Variants in EMCN observed in about 807,000 individuals in gnomAD.
EMCN encodes the protein MUC-14.
A neutral mutation model predicts 38.4 loss-of-function variants in EMCN; 37 were observed. The ratio of observed to expected loss-of-function variants is 0.96; its 90% CI spans 0.74 to 1.27. The LOEUF (loss-of-function observed/expected upper bound fraction) is 1.27. Among genes scored for constraint, EMCN ranks in the 50% most tolerant of loss-of-function variants. EMCN has a pLI of 0.00. For synonymous variants in EMCN, 95 were observed against 100.8 expected (o/e 0.94, Z 0.35); for missense variants, 318 against 302.8 (o/e 1.05, Z -0.37).
chr4:100,447,171 C>G (rs1501074), intron 5 of EMCN, among the ~76,000 whole-genome samples: 4,718 of 152,168 alleles, frequency 0.031, 257 homozygotes, highest in African/African-American at 0.11. Flanking sequence ...ATACTATGAC[C>G]AGATTTTGTT....
At chr4:100,511,255 A>C (rs1426829134) in intron 1 of EMCN, among the ~76,000 whole-genome samples, 1 of 152,168 alleles carries the variant, frequency 6.6e-6, no homozygotes, top group Non-Finnish European at 1.5e-5. Context: ...TCTGTTTCTT[A>C]ATCAGTAAGA....
intron 10 of EMCN, 64 bp downstream of exon 10, chr4:100,415,834 C>T: frequency 1.8e-6 from 2 of 1,132,184 alleles, no homozygotes; most frequent in Non-Finnish European, 2.5e-6. Flanking sequence ...TGAACAAAAT[C>T]CAAGGTTATA....
intron 1 of EMCN, among the ~76,000 whole-genome samples, chr4:100,513,651 A>G (rs1042648816): frequency 2.6e-5 from 4 of 152,100 alleles, no homozygotes; most frequent in African/African-American, 9.7e-5. Flanking sequence ...TTTCCCTTAT[A>G]TTTGGTGCTC....
rs1336830267 is a variant in EMCN, at chr4:100,470,786, G to T, written c.259+4252C>A. 9.2e-5 allele frequency among the ~76,000 whole-genome samples: 14 copies of T among 152,050 alleles called. No individual in the cohort carries two copies. In the Middle Eastern group the frequency reaches 0.01, roughly 111 times the overall value. ...TCCTTAACAAATTAACACAGGAAAA[G>T]AAAATAAAATATTGCATGTTCTCAC... is the stretch of plus-strand genomic sequence containing the variant. On this transcript the variant is annotated intron_variant, in intron 3 of 11. Transcript: ENST00000296420.
intron 11 of EMCN, among the ~76,000 whole-genome samples, chr4:100,402,719 A>G (rs1215364605): frequency 6.6e-6 from 1 of 152,234 alleles, no homozygotes; most frequent in Non-Finnish European, 1.5e-5. Context: ...TTTAAAGTAC[A>G]GAAATGGAAA....
At chr4:100,488,606 G>A (rs1294062554) in intron 1 of EMCN, among the ~76,000 whole-genome samples, 11 of 152,166 alleles carry the variant, frequency 7.2e-5, no homozygotes, top group Non-Finnish European at 2.9e-5. Flanking sequence ...TATTCAATAC[G>A]TTAGCTAATT....
At chr4:100,470,471 G>A (rs1322969685) in intron 3 of EMCN, among the ~76,000 whole-genome samples, 2 of 151,294 alleles carry the variant, frequency 1.3e-5, no homozygotes, top group African/African-American at 4.8e-5. Flanking sequence ...CATTGTGGAA[G>A]ACAGTATGGC....
At chr4:100,500,293 A>G (rs1247937944) in intron 1 of EMCN, among the ~76,000 whole-genome samples, 1 of 152,140 alleles carries the variant, frequency 6.6e-6, no homozygotes, top group Non-Finnish European at 1.5e-5. Flanking sequence ...CCCTGCTTCA[A>G]TTTAAAATTC....
chr4:100,457,483 T>C (rs1728051743), intron 4 of EMCN, among the ~76,000 whole-genome samples: 1 of 152,174 alleles, frequency 6.6e-6, no homozygotes, highest in Admixed American at 6.5e-5. Context: ...TAAAAATTTA[T>C]AGTTTATTGA....
At chr4:100,398,618 T>C (rs548934525) in intron 11 of EMCN, among the ~76,000 whole-genome samples, 22 of 152,250 alleles carry the variant, frequency 1.4e-4, no homozygotes, top group Non-Finnish European at 2.9e-4. Context: ...CAATCTTTGG[T>C]ATTTCCTCCA....
intron 11 of EMCN, among the ~76,000 whole-genome samples, chr4:100,400,826 A>C (rs1726238788): frequency 6.6e-6 from 1 of 152,188 alleles, no homozygotes; most frequent in Non-Finnish European, 1.5e-5. Flanking sequence ...TCTTTCTCAA[A>C]AAATAAATCT....
chr4:100,446,058 A>G, intron 5 of EMCN: 1 of 984,924 alleles, frequency 1.0e-6, no homozygotes, highest in Non-Finnish European at 1.2e-6. Flanking sequence ...AGGATCCTTC[A>G]GTCCCTCCTT....
chr4:100,399,356 G>C (rs186481274), intron 11 of EMCN, among the ~76,000 whole-genome samples: 81 of 152,212 alleles, frequency 5.3e-4, no homozygotes, highest in African/African-American at 1.9e-3. Flanking sequence ...GTGTGTGGTG[G>C]GGTGTGGGGA....
intron 1 of EMCN, among the ~76,000 whole-genome samples, chr4:100,490,529 T>TCC (rs1729051590): frequency 6.6e-6 from 1 of 152,218 alleles, no homozygotes; most frequent in African/African-American, 2.4e-5. Flanking sequence ...CTATTCATGG[T>TCC]AAGTGCCCTA....
chr4:100,402,050 T>TTAATTAATA (rs1726274101), intron 11 of EMCN, among the ~76,000 whole-genome samples: 1 of 152,188 alleles, frequency 6.6e-6, no homozygotes, highest in African/African-American at 2.4e-5. Flanking sequence ...CATTATATAA[T>TTAATTAATA]GTCACTGTGC....
Position 100,480,001 on chromosome 4 carries a change from T to C in EMCN, c.103A>G (p.Thr35Ala). 1 of 1,598,688 alleles carries C rather than the reference T, an allele frequency of 6.3e-7. No homozygotes were observed. Among genetic ancestry groups the C allele is most frequent in the Middle Eastern group, 1.7e-4 (1 of 6,034 alleles). Residue 35 changes from threonine to alanine, a missense_variant, in exon 2 of 12, where the codon ACA becomes GCA. Physicochemically the swap from Thr to Ala is moderately conservative, Grantham distance 58. Transcript: ENST00000296420. ...GGTGTTGTTATAGATGGTTTTGTTG[T>C]AGTAACAACAAGTGAATTATTAGCT... ...EAANNSLVVTTTKPSITTPNT... is the reference protein window; with the variant it reads ...EAANNSLVVTATKPSITTPNT...
intron 1 of EMCN, among the ~76,000 whole-genome samples, chr4:100,499,081 A>T (rs1386689872): frequency 6.6e-6 from 1 of 152,150 alleles, no homozygotes. Flanking sequence ...GTTACAGAAT[A>T]AAAAAATCTA....
chr4:100,454,179 T>TA (rs5860627), intron 4 of EMCN, among the ~76,000 whole-genome samples: 148 of 122,274 alleles, frequency 1.2e-3, no homozygotes, highest in African/African-American at 4.7e-3. Flanking sequence ...ATAATAATAA[T>TA]AAAAAAATTA....
chr4:100,448,360 C>G (rs1266296624), intron 4 of EMCN, among the ~76,000 whole-genome samples: 1 of 152,122 alleles, frequency 6.6e-6, no homozygotes, highest in Non-Finnish European at 1.5e-5. Flanking sequence ...TCACTTGACT[C>G]TCTACATCAG....
Sources: gnomAD v4.1 joint callset for allele counts (sites outside exome capture counted in the v4.1 genomes callset) on GRCh38, gnomAD v4.1.1 for gene constraint, MANE v1.5 for transcripts, NCBI Gene and HGNC (gene_info 2026-07-23, HGNC 2026-07-21) for gene names.